SLC7A5: variants seen among roughly 807,000 people sequenced by gnomAD.
SLC7A5 encodes solute carrier family 7 member 5.
A neutral mutation model predicts 50.2 loss-of-function variants in SLC7A5; 23 were observed. The observed-to-expected ratio is 0.46, with a 90% CI of 0.33 to 0.65. SLC7A5 has a LOEUF of 0.65. SLC7A5 is among the 30% of genes least tolerant of loss of function. The pLI, the probability that SLC7A5 is intolerant of heterozygous loss-of-function variation, is 0.02. For missense variants in SLC7A5, 578 were observed against 684.4 expected, an observed-to-expected ratio of 0.84 and a Z score of 1.73; for synonymous variants, 393 against 330.6, an observed-to-expected ratio of 1.19 and a Z score of -2.05.
chr16:87,869,122 G>T lies in SLC7A5; in HGVS notation c.301C>A (p.Leu101Ile). Residue 101 changes from leucine to isoleucine, a missense_variant, in exon 1 of 10, where the codon CTC (leucine) becomes ATC (isoleucine). By Grantham distance (5) the Leu-to-Ile change is conservative. Coordinates refer to ENST00000261622, the MANE Select transcript of SLC7A5 (RefSeq NM_003486.7). ...GTGGTGCCGAGCTCCGCGTAGCAGA[G>T]CGCGCCCACGATGGAGAAGACGCCG... ...ACGVFSIVGA[L>I]CYAELGTTIS... is the part of the protein sequence containing the mutation. 2 of 1,611,852 alleles carry T rather than the reference G, an allele frequency of 1.2e-6. No individual in the cohort carries two copies. The highest frequency in any genetic ancestry group is 1.7e-6 in the Non-Finnish European group (2 of 1,179,772).
At chr16:87,858,665 T>C (rs4465613) in intron 1 of SLC7A5, among the ~76,000 whole-genome samples, 105,324 of 151,982 alleles carry the variant, frequency 0.69, 38,039 homozygotes, top group African/African-American at 0.88. Context: ...CTCACCCTCG[T>C]GCTCTGGCCA....
chr16:87,865,680 C>T lies in SLC7A5; in HGVS notation c.538+3205G>A, dbSNP rs564382351. 3.3e-5 allele frequency among the ~76,000 whole-genome samples: 5 copies of T among 152,148 alleles called. 1 individual carries two copies. Among genetic ancestry groups the T allele is most frequent in the Admixed American group, 3.3e-4 (5 of 15,264 alleles). Reference sequence around the variant, plus strand: ...CAAGATCGTGCCATTGTACTCCAGCCTGGGTAAGAGCAAAACTCCATCTCA... The same window carrying T: ...CAAGATCGTGCCATTGTACTCCAGCTTGGGTAAGAGCAAAACTCCATCTCA... On this transcript the variant is annotated intron_variant, in intron 1 of 9. Coordinates refer to ENST00000261622, the MANE Select transcript of SLC7A5 (RefSeq NM_003486.7).
At position 87,852,635 on chromosome 16, in the gene SLC7A5, C is replaced by T. The variant is rs2055246522; in HGVS notation, c.539-786G>A. ...GCCCTGTAAGGCACCCAGCTCTGAG[C>T]CTCTGTGTGTGTGTGTGTGTGTGTG... On this transcript the variant is annotated intron_variant, in intron 1 of 9. Coordinates refer to ENST00000261622, the MANE Select transcript of SLC7A5 (RefSeq NM_003486.7). This position sits in a 1 kb window ranked among gnomAD's most constrained non-coding sequence, Gnocchi z 4.5. Among the ~76,000 whole-genome samples, 1 of 97,718 alleles carries T rather than the reference C, an allele frequency of 1.0e-5. No homozygotes were observed. The highest frequency in any genetic ancestry group is 2.1e-5 in the Non-Finnish European group (1 of 47,686). 64.1% of individuals were successfully genotyped at this position (97,718 alleles called of 152,430 possible).
Position 87,853,353 on chromosome 16 carries a change from G to A in SLC7A5, c.539-1504C>T, listed in dbSNP as rs774622258. 7.9e-5 allele frequency among the ~76,000 whole-genome samples: 12 copies of A among 152,218 alleles called. No individual in the cohort carries two copies. The highest frequency in any genetic ancestry group is 2.4e-4 in the African/African-American group (10 of 41,448). ...GCTACAATTCTGTGGATGCCAGAGC[G>A]GAGACGGCTACTACACACCAGGAAA... On this transcript the variant is annotated intron_variant, in intron 1 of 9. Coordinates refer to ENST00000261622, the MANE Select transcript of SLC7A5 (RefSeq NM_003486.7). This position sits in a 1 kb window ranked among gnomAD's most constrained non-coding sequence, Gnocchi z 4.4.
At chr16:87,856,719 T>C (rs2055326359) in intron 1 of SLC7A5, among the ~76,000 whole-genome samples, 1 of 152,176 alleles carries the variant, frequency 6.6e-6, no homozygotes, top group Non-Finnish European at 1.5e-5. Context: ...GTAGAACCAG[T>C]ACCTTCCTCC....
chr16:87,868,741 G>C (rs1482221342), intron 1 of SLC7A5, 144 bp downstream of exon 1: 2 of 840,130 alleles, frequency 2.4e-6, no homozygotes, highest in Non-Finnish European at 3.9e-6. Flanking sequence ...TGGTTTCTGG[G>C]ACCAATGACC....
intron 6 of SLC7A5, 148 bp from the exon 7 acceptor site, chr16:87,838,089 T>C (rs574919903): frequency 2.5e-5 from 18 of 710,642 alleles, no homozygotes; most frequent in South Asian, 1.7e-4. Context: ...CTCCAGCCGC[T>C]GGCTGTGGGC....
chr16:87,851,871 G>T (rs1183284396), intron 1 of SLC7A5, 22 bp from the exon 2 acceptor site: 3 of 1,612,370 alleles, frequency 1.9e-6, no homozygotes, highest in Non-Finnish European at 2.5e-6. Flanking sequence ...GAGGGCAGCG[G>T]TGAGTTCCAC....
At chr16:87,844,328 C>T (rs1257645044) in intron 2 of SLC7A5, among the ~76,000 whole-genome samples, 5 of 152,220 alleles carry the variant, frequency 3.3e-5, no homozygotes, top group Admixed American at 6.5e-5. Context: ...AGGATTCCCC[C>T]GAGAGCGGGG....
chr16:87,860,389 CACACACACACAT>C lies in SLC7A5; in HGVS notation c.538+8484_538+8495del, dbSNP rs1285427758. ...ACACACACACACACACACACACACA[CACACACACACAT>C]ATATATATAAAGAAAAAGGAAATCT... On this transcript the variant is annotated intron_variant, in intron 1 of 9. Transcript: ENST00000261622. This position sits in a 1 kb window ranked among gnomAD's most constrained non-coding sequence, Gnocchi z 4.8. Among the ~76,000 whole-genome samples, 4,092 of 109,226 alleles carry C rather than the reference CACACACACACAT, an allele frequency of 0.037. 185 individuals are homozygous for C. The highest frequency in any genetic ancestry group is 0.11 in the South Asian group (357 of 3,302). 71.7% of individuals were successfully genotyped at this position (109,226 alleles called of 152,430 possible). A position where few individuals can be genotyped will look rare whatever the true frequency, so the allele number is the denominator to read the frequency against.
In SLC7A5 at chr16:87,868,906, G is replaced by T; in HGVS notation, c.517C>A (p.Leu173Ile). 1.2e-6 allele frequency: 2 copies of T among 1,609,218 alleles called. No homozygotes were observed. The highest frequency in any genetic ancestry group is 1.7e-6 in the Non-Finnish European group (2 of 1,178,820). ...TCPVPEEAAK[L>I]VACLCVLLLT... ...TCACGCACGCAGAGGCAGGCCACGA[G>T]CTTGGCTGCCTCCTCGGGCACCGGG... The change falls in exon 1 of 10, where the codon CTC becomes ATC. Residue 173 changes from leucine (L) to isoleucine (I), a missense_variant. Coordinates refer to ENST00000261622, the MANE Select transcript of SLC7A5 (RefSeq NM_003486.7).
chr16:87,844,556 T>G (rs4843716), intron 2 of SLC7A5, among the ~76,000 whole-genome samples: 55,353 of 151,976 alleles, frequency 0.36, 11,815 homozygotes, highest in African/African-American at 0.59. Context: ...CCCTCCTCTG[T>G]GATGCGGCCA....
rs1490704266 is a variant in SLC7A5, at chr16:87,861,359, C to G, written c.538+7526G>C. On this transcript the variant is annotated intron_variant, in intron 1 of 9. Coordinates refer to ENST00000261622, the MANE Select transcript of SLC7A5 (RefSeq NM_003486.7). This position sits in a 1 kb window ranked among gnomAD's most constrained non-coding sequence, Gnocchi z 4.2. ...ACCTGGGCCGACTGGGCCACCCAGT[C>G]TTGCTGACTGACACCTCCCCAGACC... Among the ~76,000 whole-genome samples, 1 of 152,166 alleles carries G rather than the reference C, an allele frequency of 6.6e-6. No homozygotes were observed. Among genetic ancestry groups the G allele is most frequent in the Non-Finnish European group, 1.5e-5 (1 of 68,014 alleles).
chr16:87,856,439 A>G (rs143708015), intron 1 of SLC7A5, among the ~76,000 whole-genome samples: 1,914 of 152,338 alleles, frequency 0.013, 49 homozygotes, highest in African/African-American at 0.043. Context: ...CACCGGGCAC[A>G]GCAGTTCGCA....
chr16:87,830,867 A>G lies in SLC7A5; in HGVS notation c.*2103T>C, dbSNP rs2054926775. 6.6e-6 allele frequency: 1 copy of G among 152,252 alleles called. No homozygotes were observed. The highest frequency in any genetic ancestry group is 2.1e-4 in the South Asian group (1 of 4,832). 9.4% of individuals were successfully genotyped at this position (152,252 alleles called of 1,614,324 possible). ...CTCCCTGTATCCTTGAGGCATGTCC[A>G]CGTCCCAGAGCAGGAGGTTGGAACA... On this transcript the variant is annotated 3_prime_UTR_variant, in exon 10 of 10. Transcript: ENST00000261622.
intron 3 of SLC7A5, 85 bp from the exon 4 acceptor site, chr16:87,840,558 G>A (rs1224134394): frequency 2.5e-6 from 3 of 1,193,182 alleles, no homozygotes; most frequent in Admixed American, 3.4e-5. Flanking sequence ...CAGGGCAGCT[G>A]GTGAGCCTGC....
Position 87,851,295 on chromosome 16 carries a change from C to T in SLC7A5, c.664+429G>A, listed in dbSNP as rs150639330. Among the ~76,000 whole-genome samples the T allele has an allele frequency of 5.6e-3, 847 of 152,260 alleles. 7 individuals are homozygous for T. Among genetic ancestry groups the T allele is most frequent in the African/African-American group, 0.019 (795 of 41,570 alleles). ...AATCACAGCATGACCAGGAGCATGG[C>T]CCCGTCGGGGGTGGGTGAGGGGCGA... On this transcript the variant is annotated intron_variant, in intron 2 of 9. Coordinates refer to ENST00000261622, the MANE Select transcript of SLC7A5 (RefSeq NM_003486.7).
chr16:87,835,342 G>A (rs13329933), intron 8 of SLC7A5, among the ~76,000 whole-genome samples: 3,206 of 152,270 alleles, frequency 0.021, 137 homozygotes, highest in African/African-American at 0.073. Context: ...CCCGCTGTGC[G>A]CAGTGACTGC....
Position 87,833,032 on chromosome 16 carries a change from G to A in SLC7A5, c.1469-7C>T, listed in dbSNP as rs1413003173. ...CACAGGACGGTCGTGGAGACTGTCA[G>A]GAGAGAAGACAGCTGTGTTAGCCTG... On this transcript the variant is annotated splice_region_variant and splice_polypyrimidine_tract_variant and intron_variant, in intron 9 of 9. Coordinates refer to ENST00000261622, the MANE Select transcript of SLC7A5 (RefSeq NM_003486.7). The surrounding 1 kb of genome is among the most constrained non-coding windows in gnomAD (Gnocchi z 6.0). 1.2e-6 allele frequency: 2 copies of A among 1,613,464 alleles called. No homozygotes were observed. The highest frequency in any genetic ancestry group is 8.5e-7 in the Non-Finnish European group (1 of 1,179,628).
Sources: gnomAD v4.1 joint callset for allele counts (sites outside exome capture counted in the v4.1 genomes callset) on GRCh38, gnomAD v4.1.1 for gene constraint, Gnocchi (gnomAD v3.1) non-coding constraint, MANE v1.5 for transcripts, NCBI Gene and HGNC (gene_info 2026-07-23, HGNC 2026-07-21) for gene names.